MTF2: variants seen among roughly 807,000 people sequenced by gnomAD.
The protein encoded by MTF2 is metal response element binding transcription factor 2.
In MTF2, 11 loss-of-function variants were observed where a neutral mutation model predicts 79.5. That is an observed-to-expected ratio of 0.14 (90% CI 0.09 to 0.23). The LOEUF (loss-of-function observed/expected upper bound fraction) is 0.23, where lower values mean the gene tolerates loss of function less well. Among genes scored for constraint, MTF2 ranks in the 10% least tolerant of loss-of-function variants. MTF2 has a pLI of 1.00. For synonymous variants in MTF2, 208 were observed against 232.8 expected (o/e 0.89, Z 0.97); for missense variants, 486 against 711.2 (o/e 0.68, Z 3.60).
In MTF2 at chr1:93,120,545, C is replaced by A; in HGVS notation, c.798-4C>A. 6.4e-7 allele frequency: 1 copy of A among 1,569,074 alleles called. No homozygotes were observed. Among genetic ancestry groups the A allele is most frequent in the South Asian group, 1.2e-5 (1 of 83,344 alleles). On this transcript the variant is annotated splice_polypyrimidine_tract_variant and splice_region_variant and intron_variant, in intron 8 of 14. Transcript: ENST00000370298. ...TTGTGTATTTGATTATTTTCGGATT[C>A]CAGGGTAGATATAGCACACCTATGC...
chr1:93,079,890 C>G (rs1654529992), intron 1 of MTF2, among the ~76,000 whole-genome samples: 1 of 150,638 alleles, frequency 6.6e-6, no homozygotes, highest in African/African-American at 2.4e-5. Context: ...GGGTGGGGAG[C>G]CGAGAGGAGG....
At chr1:93,089,605 GCTCTCGTACTTCA>G (rs1313855205) in intron 1 of MTF2, among the ~76,000 whole-genome samples, 2 of 152,146 alleles carry the variant, frequency 1.3e-5, no homozygotes, top group African/African-American at 4.8e-5. Flanking sequence ...TACAATCACA[GCTCTCGTACTTCA>G]CTGTATCACG....
intron 1 of MTF2, among the ~76,000 whole-genome samples, chr1:93,099,600 A>G (rs1052048778): frequency 4.6e-5 from 7 of 152,304 alleles, no homozygotes; most frequent in African/African-American, 1.4e-4. Context: ...GTATTGGTCA[A>G]TTGTGAGGGT....
chr1:93,113,938 G>C (rs1424282701), intron 3 of MTF2, among the ~76,000 whole-genome samples: 1 of 151,790 alleles, frequency 6.6e-6, no homozygotes, highest in Non-Finnish European at 1.5e-5. Flanking sequence ...TGCTGAAACA[G>C]ACAAGATGAG....
At chr1:93,103,690 T>A (rs1170057646) in intron 1 of MTF2, among the ~76,000 whole-genome samples, 1 of 151,886 alleles carries the variant, frequency 6.6e-6, no homozygotes, top group Non-Finnish European at 1.5e-5. Context: ...TAATAAATTC[T>A]AAAATTAGAA....
chr1:93,104,946 G>A (rs1320764282), intron 1 of MTF2, among the ~76,000 whole-genome samples: 5 of 151,972 alleles, frequency 3.3e-5, no homozygotes, highest in Non-Finnish European at 5.9e-5. Flanking sequence ...CACGAGGTCA[G>A]GAGATCGAGA....
intron 1 of MTF2, among the ~76,000 whole-genome samples, chr1:93,086,769 G>A (rs71510760): frequency 0.16 from 24,757 of 152,054 alleles, 2,250 homozygotes; most frequent in African/African-American, 0.21. Flanking sequence ...ATTTATCTAT[G>A]TGATAAATAC....
chr1:93,118,188 G>A (rs1427869287), intron 6 of MTF2, among the ~76,000 whole-genome samples, 157 bp from the exon 7 acceptor site: 1 of 151,640 alleles, frequency 6.6e-6, no homozygotes, highest in African/African-American at 2.4e-5. Context: ...AGCCTTTTTG[G>A]GAAAGGAAAT....
At chr1:93,081,979 CTT>C (rs1654621963) in intron 1 of MTF2, among the ~76,000 whole-genome samples, 1 of 152,100 alleles carries the variant, frequency 6.6e-6, no homozygotes, top group South Asian at 2.1e-4. Flanking sequence ...AGTTCAGATT[CTT>C]TTTGTACATT....
intron 1 of MTF2, among the ~76,000 whole-genome samples, chr1:93,101,929 C>T (rs534715593): frequency 6.5e-4 from 99 of 152,120 alleles, no homozygotes; most frequent in African/African-American, 2.2e-3. Flanking sequence ...TACATTGAGC[C>T]GTCTCCATAA....
At position 93,119,313 on chromosome 1, in the gene MTF2, C is replaced by CTTT. The variant is rs74464389; in HGVS notation, c.729-8_729-6dup. The CTTT allele has an allele frequency of 1.4e-4, 187 of 1,294,526 alleles. No homozygotes were observed. Among genetic ancestry groups the CTTT allele is most frequent in the Admixed American group, 2.2e-4 (9 of 41,106 alleles). 80.2% of individuals were successfully genotyped at this position (1,294,526 alleles called of 1,614,324 possible). A position where few individuals can be genotyped will look rare whatever the true frequency, so the allele number is the denominator to read the frequency against. Reference sequence around the variant, plus strand: ...CTGATGACTCAGTATAAAACTTTTTCTTTTTTTTTTTTTTCTTAGATTTTA... The same window carrying CTTT: ...CTGATGACTCAGTATAAAACTTTTTCTTTTTTTTTTTTTTTTTCTTAGATTTTA... On this transcript the variant is annotated intron_variant, in intron 7 of 14. Transcript: ENST00000370298.
chr1:93,135,974 G>T (rs183392278), intron 14 of MTF2, among the ~76,000 whole-genome samples: 1 of 152,294 alleles, frequency 6.6e-6, no homozygotes, highest in East Asian at 1.9e-4. Flanking sequence ...ATGACTGTAG[G>T]TCTTTCAATT....
chr1:93,125,546 A>G (rs1012211559), intron 9 of MTF2, among the ~76,000 whole-genome samples: 22 of 152,112 alleles, frequency 1.4e-4, no homozygotes, highest in African/African-American at 5.1e-4. Flanking sequence ...GAAGGATGAC[A>G]GAATCAAGAG....
At chr1:93,088,835 G>C (rs1487561582) in intron 1 of MTF2, among the ~76,000 whole-genome samples, 2 of 152,134 alleles carry the variant, frequency 1.3e-5, no homozygotes, top group Non-Finnish European at 1.5e-5. Flanking sequence ...CCAGAGTGGA[G>C]TGCTGGGATT....
intron 3 of MTF2, among the ~76,000 whole-genome samples, chr1:93,111,351 G>A (rs1342584049): frequency 1.3e-5 from 2 of 152,108 alleles, no homozygotes; most frequent in Non-Finnish European, 2.9e-5. Flanking sequence ...TGGGTTAATA[G>A]GCCTACACTA....
At position 93,123,877 on chromosome 1, in the gene MTF2, C is replaced by A. The variant is rs562875720; in HGVS notation, c.921+3205C>A. On this transcript the variant is annotated intron_variant, in intron 9 of 14. Transcript: ENST00000370298. ...CCCTTCTGCCACACATGCATTGCCT[C>A]CTCCATTATCAACATCCCTCCACCA... is the stretch of plus-strand genomic sequence containing the variant. Among the ~76,000 whole-genome samples the A allele has an allele frequency of 4.7e-5, 7 of 150,054 alleles. No individual in the cohort carries two copies. The South Asian group carries it at 1.5e-3, about 32-fold the overall frequency.
intron 1 of MTF2, among the ~76,000 whole-genome samples, chr1:93,099,136 G>A (rs879576971): frequency 2.0e-5 from 3 of 152,094 alleles, no homozygotes; most frequent in Non-Finnish European, 4.4e-5. Context: ...CAGTCTAAGC[G>A]TTGCCTCCCT....
chr1:93,097,897 C>T (rs1462372794), intron 1 of MTF2, among the ~76,000 whole-genome samples: 1 of 152,110 alleles, frequency 6.6e-6, no homozygotes, highest in Non-Finnish European at 1.5e-5. Context: ...CATGCCTGGG[C>T]CTTTTTTTAT....
Position 93,137,041 on chromosome 1 carries a change from C to G in MTF2, c.*14C>G, listed in dbSNP as rs1383694258. 6.3e-7 allele frequency: 1 copy of G among 1,599,778 alleles called. No homozygotes were observed. The highest frequency in any genetic ancestry group is 1.7e-5 in the Admixed American group (1 of 59,770). On this transcript the variant is annotated 3_prime_UTR_variant, in exon 15 of 15. Transcript: ENST00000370298. ...ACTGCATCCTGACTGTAGGACTGAACATTATGTTCACTGCACTCTGATTTT... is the reference window on the plus strand; with the variant it reads ...ACTGCATCCTGACTGTAGGACTGAAGATTATGTTCACTGCACTCTGATTTT...
Sources: allele counts gnomAD v4.1 joint callset (sites outside exome capture counted in the v4.1 genomes callset), GRCh38; gene constraint gnomAD v4.1.1; transcripts MANE v1.5; gene names NCBI Gene and HGNC (gene_info 2026-07-23, HGNC 2026-07-21).